The following TOGARAM2 variants were observed in gnomAD, a reference collection of about 807,000 sequenced individuals.
TOGARAM2 encodes the protein TOG array regulator of axonemal microtubules 2.
TOGARAM2 carries 85 observed loss-of-function variants against 93.3 expected under a neutral mutation model. That is an observed-to-expected ratio of 0.91 (90% CI 0.76 to 1.09). The LOEUF (loss-of-function observed/expected upper bound fraction) is 1.09, where lower values mean the gene tolerates loss of function less well. TOGARAM2 is among the 50% of genes least tolerant of loss of function. TOGARAM2 has a pLI of 0.00. For synonymous variants in TOGARAM2, 593 were observed against 552.8 expected (o/e 1.07, Z -1.02); for missense variants, 1,277 against 1,334.5 (o/e 0.96, Z 0.67).
At chr2:29,043,401 C>T (rs942038255) in intron 18 of TOGARAM2, among the ~76,000 whole-genome samples, 37 of 152,174 alleles carry the variant, frequency 2.4e-4, no homozygotes, top group Admixed American at 2.2e-3. Context: ...CTGAGTGCCC[C>T]TCTCCAGGAA....
Position 28,990,989 on chromosome 2 carries a change from A to AGG in TOGARAM2, c.-110-3734_-110-3733dup, listed in dbSNP as rs1404816119. ...GACATGCGAGTGTGTGTGTGTGTGA[A>AGG]GGGTGTGTGTGTGTGTGTGTGTGTG... On this transcript the variant is annotated intron_variant, in intron 1 of 19. Coordinates refer to ENST00000379558, the MANE Select transcript of TOGARAM2 (RefSeq NM_199280.4). Among the ~76,000 whole-genome samples the AGG allele has an allele frequency of 2.8e-3, 137 of 48,570 alleles. 2 individuals carry two copies. The highest frequency in any genetic ancestry group is 0.011 in the African/African-American group (121 of 11,296). The allele number at this position is 48,570 out of a possible 152,430, so 31.9% of individuals were successfully genotyped here.
chr2:29,002,741 T>A lies in TOGARAM2; in HGVS notation c.633T>A (p.Ala211=). The A allele has an allele frequency of 6.2e-7, 1 of 1,613,174 alleles. No individual in the cohort carries two copies. The highest frequency in any genetic ancestry group is 1.1e-5 in the South Asian group (1 of 90,842). The part of the protein sequence containing the change: ...IPGPHELRPG[A]QEAQISWQYL... ...GTCCTCACGAGTTGAGACCCGGTGC[T>A]CAGGAGGTAAGGTGGTTCGACTGCT... The change falls in exon 5 of 20, where the codon GCT becomes GCA. Residue 211 remains alanine, a synonymous_variant. Coordinates refer to ENST00000379558, the MANE Select transcript of TOGARAM2 (RefSeq NM_199280.4).
At chr2:28,975,013 T>C (rs1174490297) in intron 1 of TOGARAM2, among the ~76,000 whole-genome samples, 5 of 151,982 alleles carry the variant, frequency 3.3e-5, no homozygotes, top group Non-Finnish European at 5.9e-5. Flanking sequence ...GTTCACTGAT[T>C]TTTTTCCTCT....
intron 18 of TOGARAM2, among the ~76,000 whole-genome samples, chr2:29,037,435 G>A (rs377290366): frequency 3.2e-4 from 49 of 152,312 alleles, no homozygotes; most frequent in African/African-American, 9.1e-4. Flanking sequence ...GCTTCAGTAC[G>A]AGGAAGCCAT....
intron 7 of TOGARAM2, among the ~76,000 whole-genome samples, chr2:29,013,457 A>G (rs1418317670): frequency 6.6e-6 from 1 of 152,190 alleles, no homozygotes; most frequent in Non-Finnish European, 1.5e-5. Context: ...AGAGGCTGGT[A>G]GTGGCTCAGT....
At chr2:28,958,253 C>A (rs1431966751) in intron 1 of TOGARAM2, among the ~76,000 whole-genome samples, 1 of 150,898 alleles carries the variant, frequency 6.6e-6, no homozygotes, top group African/African-American at 2.4e-5. Context: ...ATGGCAAATT[C>A]TTTTCAGGTG....
intron 6 of TOGARAM2, among the ~76,000 whole-genome samples, chr2:29,004,716 A>C (rs1673525038): frequency 6.8e-6 from 1 of 147,180 alleles, no homozygotes. Flanking sequence ...GTGTCTGAGT[A>C]TGTGTATATG....
chr2:29,051,978 C>T lies in TOGARAM2; in HGVS notation c.2945C>T (p.Thr982Met), dbSNP rs902779573. Residue 982 changes from threonine to methionine, a missense_variant, in exon 20 of 20, where the codon ACG (threonine) becomes ATG (methionine). By Grantham distance (81) the Thr-to-Met change is moderately conservative. Transcript: ENST00000379558. ...AGCCAGCCAAAGCACGTCCTCAAGACGCTCCAGGAACTCTTAGACTCAGAG... is the reference window on the plus strand; with the variant it reads ...AGCCAGCCAAAGCACGTCCTCAAGATGCTCCAGGAACTCTTAGACTCAGAG... ...AASQPKHVLK[T>M]LQELLDSESL... The T allele has an allele frequency of 2.6e-5, 42 of 1,612,768 alleles. No homozygotes were observed. In the Middle Eastern group the frequency reaches 4.9e-4, roughly 19 times the overall value.
chr2:29,043,501 C>G (rs981661819), intron 18 of TOGARAM2, among the ~76,000 whole-genome samples: 1 of 152,126 alleles, frequency 6.6e-6, no homozygotes, highest in African/African-American at 2.4e-5. Context: ...AACTCTGTCC[C>G]CTGTAAAGAG....
chr2:29,025,311 G>A (rs921682393), intron 13 of TOGARAM2, among the ~76,000 whole-genome samples: 5 of 152,318 alleles, frequency 3.3e-5, no homozygotes, highest in East Asian at 1.9e-4. Flanking sequence ...TCACGAAAGC[G>A]CACTTAGAAA....
At chr2:29,001,603 C>T (rs375514519) in intron 4 of TOGARAM2, among the ~76,000 whole-genome samples, 25 of 152,002 alleles carry the variant, frequency 1.6e-4, no homozygotes, top group South Asian at 4.2e-4. Context: ...CAGGTTCAAG[C>T]GATTCTCCTG....
chr2:28,995,679 T>C (rs1672956239), intron 2 of TOGARAM2, among the ~76,000 whole-genome samples: 1 of 152,260 alleles, frequency 6.6e-6, no homozygotes, highest in Non-Finnish European at 1.5e-5. Context: ...TATGAACCTT[T>C]AGTGCTGTCA....
chr2:29,005,904 C>T (rs865972412), intron 6 of TOGARAM2, among the ~76,000 whole-genome samples: 15 of 134,450 alleles, frequency 1.1e-4, no homozygotes, highest in South Asian at 2.5e-4. Context: ...TGTGTGAGTG[C>T]GTGTGTGTAA....
At position 29,023,136 on chromosome 2, in the gene TOGARAM2, A is replaced by T. The variant is rs1054120766; in HGVS notation, c.1562A>T (p.His521Leu). The change falls in exon 12 of 20, where the codon CAC becomes CTC. Residue 521 changes from histidine to leucine, a missense_variant. Transcript: ENST00000379558. ...LVSIQRLAAC[H>L]SEVLTGKLHD... is the part of the protein sequence containing the mutation. The stretch of plus-strand genomic sequence containing the variant: ...AGCATCCAGCGCTTGGCAGCCTGTC[A>T]CTCAGAGGTCCTCACCGGGAAGCTG... 1.2e-6 allele frequency: 2 copies of T among 1,602,676 alleles called. No individual in the cohort carries two copies. The highest frequency in any genetic ancestry group is 2.7e-5 in the African/African-American group (2 of 74,808).
intron 6 of TOGARAM2, among the ~76,000 whole-genome samples, chr2:29,006,151 G>A (rs533397772): frequency 6.3e-5 from 9 of 143,532 alleles, no homozygotes; most frequent in Middle Eastern, 5.3e-3. Context: ...ATGCATGTGC[G>A]TAAGTACATG....
At chr2:29,039,325 A>G (rs555780168) in intron 18 of TOGARAM2, among the ~76,000 whole-genome samples, 1 of 152,302 alleles carries the variant, frequency 6.6e-6, no homozygotes, top group South Asian at 2.1e-4. Context: ...ATGCTGTGAA[A>G]TATTTAAATG....
chr2:29,011,022 A>G (rs1167669661), intron 6 of TOGARAM2, among the ~76,000 whole-genome samples: 2 of 152,124 alleles, frequency 1.3e-5, no homozygotes, highest in African/African-American at 4.8e-5. Flanking sequence ...TTTAGGGGTC[A>G]CTGAGCTCTC....
intron 4 of TOGARAM2, among the ~76,000 whole-genome samples, 196 bp downstream of exon 4, chr2:28,999,664 C>T (rs76653753): frequency 0.019 from 2,902 of 152,312 alleles, 90 homozygotes; most frequent in African/African-American, 0.067. Flanking sequence ...CCGGGCTCTG[C>T]AGTGCTTCCC....
chr2:29,035,433 G>T lies in TOGARAM2; in HGVS notation c.2226-31G>T, dbSNP rs771040675. On this transcript the variant is annotated intron_variant, in intron 16 of 19. Coordinates refer to ENST00000379558, the MANE Select transcript of TOGARAM2 (RefSeq NM_199280.4). ...GGTTCATTCCCCCGGGCTCTTCCCT[G>T]GGGGGTTCAGACGCCACGCTCCTTA... 6.0e-5 allele frequency: 80 copies of T among 1,327,526 alleles called. No individual in the cohort carries two copies. The African/African-American group carries it at 1.1e-3, about 18-fold the overall frequency. 82.2% of individuals were successfully genotyped at this position (1,327,526 alleles called of 1,614,324 possible).
Sources: gnomAD v4.1 joint callset for allele counts (sites outside exome capture counted in the v4.1 genomes callset) on GRCh38, gnomAD v4.1.1 for gene constraint, MANE v1.5 for transcripts, NCBI Gene and HGNC (gene_info 2026-07-23, HGNC 2026-07-21) for gene names.